SLAMF9: variants seen among roughly 807,000 people sequenced by gnomAD.
The protein encoded by SLAMF9 is CD2 family member 10.
Under a neutral mutation model 30.4 loss-of-function variants are expected in SLAMF9, and 25 were observed. The ratio of observed to expected loss-of-function variants is 0.82; its 90% CI spans 0.60 to 1.15. SLAMF9 has a LOEUF of 1.15. SLAMF9 is among the 50% of genes most tolerant of loss of function. SLAMF9 has a pLI of 0.00. For synonymous variants in SLAMF9, 129 were observed against 127.2 expected (o/e 1.01, Z -0.09); for missense variants, 344 against 346.1 (o/e 0.99, Z 0.05).
rs1557943208 is a variant in SLAMF9 at position 159,953,502 on chromosome 1, T to TGG, written c.196_197dup (p.Gly67GlnfsTer12). Reference sequence around the variant, plus strand: ...TGGTAGCTGGATGTCCCTCTTTCCCTGGCACCACAGTGGCAAGACTTTTGT... The same window carrying TGG: ...TGGTAGCTGGATGTCCCTCTTTCCCTGGGGCACCACAGTGGCAAGACTTTTGT... On this transcript the variant is annotated frameshift_variant, in exon 2 of 4. Transcript: ENST00000368093. LOFTEE classifies it high-confidence loss of function. The TGG allele has an allele frequency of 1.2e-6, 2 of 1,614,228 alleles. No individual in the cohort carries two copies. Among genetic ancestry groups the TGG allele is most frequent in the African/African-American group, 1.3e-5 (1 of 75,064 alleles).
At chr1:159,980,873 C>T in the SLAMF9 span, among the ~76,000 whole-genome samples, 2 of 152,208 alleles carry the variant, frequency 1.3e-5, no homozygotes, top group African/African-American at 2.4e-5. Flanking sequence ...GCTTTCCCTG[C>T]TCTCTTCCAT....
intron 1 of SLAMF9, 36 bp from the exon 2 acceptor site, chr1:159,953,689 T>C: frequency 6.5e-7 from 1 of 1,550,308 alleles, no homozygotes; most frequent in Non-Finnish European, 8.8e-7. Context: ...ACAACCCAGC[T>C]GCTGTCTCTG....
the SLAMF9 span, among the ~76,000 whole-genome samples, chr1:159,974,824 A>C: frequency 1.2e-3 from 176 of 152,350 alleles, 1 homozygote; most frequent in African/African-American, 3.7e-3. Context: ...GAAGGATGGC[A>C]GAAATGGGGC....
chr1:159,969,601 T>C, the SLAMF9 span, among the ~76,000 whole-genome samples: 235 of 152,304 alleles, frequency 1.5e-3, 2 homozygotes, highest in African/African-American at 5.2e-3. Context: ...TTGGCAGGTG[T>C]AATTCCTGGA....
the SLAMF9 span, chr1:159,973,246 TG>T: frequency 3.2e-6 from 3 of 927,648 alleles, no homozygotes; most frequent in Middle Eastern, 2.2e-4. Context: ...GGCTCAGGAG[TG>T]GGGGCGACAC....
upstream of SLAMF9, among the ~76,000 whole-genome samples, chr1:159,956,711 A>T (rs1340512842): frequency 6.6e-6 from 1 of 152,178 alleles, no homozygotes; most frequent in East Asian, 1.9e-4. Context: ...AAAAAGAAGG[A>T]AATGCTACCA....
At chr1:159,981,533 A>C in the SLAMF9 span, among the ~76,000 whole-genome samples, 8 of 152,244 alleles carry the variant, frequency 5.3e-5, no homozygotes, top group South Asian at 2.1e-4. Context: ...CAGCCTTCCC[A>C]GACCAGGGGG....
the SLAMF9 span, chr1:159,973,048 CG>C: frequency 4.9e-6 from 7 of 1,433,628 alleles, no homozygotes; most frequent in South Asian, 1.6e-5. Context: ...TGGCCACCCT[CG>C]GGGGCCGCCT....
chr1:159,973,210 T>C, the SLAMF9 span: 5 of 1,338,856 alleles, frequency 3.7e-6, no homozygotes, highest in South Asian at 4.7e-5. Context: ...GTTTGACATC[T>C]CAGGGTAACC....
the SLAMF9 span, among the ~76,000 whole-genome samples, chr1:159,966,556 G>T: frequency 1.3e-5 from 2 of 152,136 alleles, no homozygotes; most frequent in Non-Finnish European, 2.9e-5. Flanking sequence ...TTCCATAATA[G>T]CTGTACTAAT....
Position 159,951,716 on chromosome 1 carries a change from A to T in SLAMF9, c.815T>A (p.Met272Lys). The T allele has an allele frequency of 6.2e-7, 1 of 1,613,998 alleles. No individual in the cohort carries two copies. The highest frequency in any genetic ancestry group is 8.5e-7 in the Non-Finnish European group (1 of 1,179,892). ...RHKMPRMKKL[M>K]RNRMKLRKEA... is the part of the protein sequence containing the mutation. ...CTTCCTCAATTTCATTCTGTTTCTC[A>T]TGAGTTTCTTCATCCTTGGCATTTT... The change falls in exon 4 of 4, where the codon ATG becomes AAG. Residue 272 changes from methionine (M) to lysine (K), a missense_variant. Physicochemically the swap from Met to Lys is moderately conservative, Grantham distance 95 (BLOSUM62 -1). Transcript: ENST00000368093.
the SLAMF9 span, among the ~76,000 whole-genome samples, chr1:159,980,058 C>T: frequency 6.6e-6 from 1 of 152,180 alleles, no homozygotes; most frequent in Non-Finnish European, 1.5e-5. Flanking sequence ...TTGGGATGCT[C>T]TGAGCAAAAC....
chr1:159,952,337 A>C lies in SLAMF9; in HGVS notation c.589T>G (p.Ser197Ala), dbSNP rs201192220. 3.1e-6 allele frequency: 5 copies of C among 1,614,010 alleles called. No homozygotes were observed. Among genetic ancestry groups the C allele is most frequent in the Non-Finnish European group, 4.2e-6 (5 of 1,179,984 alleles). The change falls in exon 3 of 4, where the codon TCC becomes GCC. Residue 197 changes from serine (S) to alanine (A), a missense_variant. Coordinates refer to ENST00000368093, the MANE Select transcript of SLAMF9 (RefSeq NM_033438.4). The stretch of plus-strand genomic sequence containing the variant: ...GGGTTGTTGGCTCTGCAGGTGTAGG[A>C]GAGGGCACTGTCCCCCGGCCTCCAG... ...TSWRPGDSAL[S>A]YTCRANNPIS...
At chr1:159,976,975 AAAG>A in the SLAMF9 span, 7 of 44,388 alleles carry the variant, frequency 1.6e-4, no homozygotes, top group African/African-American at 3.1e-4. Context: ...AGAAAGAAGG[AAAG>A]AAGGAAAGAA....
At chr1:159,982,037 G>T in the SLAMF9 span, among the ~76,000 whole-genome samples, 1 of 152,312 alleles carries the variant, frequency 6.6e-6, no homozygotes, top group East Asian at 1.9e-4. Context: ...CAATGCCTCT[G>T]CAGGTCTAAT....
At chr1:159,972,972 C>A in the SLAMF9 span, 1 of 1,222,924 alleles carries the variant, frequency 8.2e-7, no homozygotes, top group Non-Finnish European at 1.1e-6. Context: ...CCCCTGGGGG[C>A]GTCGCCACTC....
chr1:159,975,867 G>A, the SLAMF9 span, among the ~76,000 whole-genome samples: 2 of 152,196 alleles, frequency 1.3e-5, no homozygotes, highest in Non-Finnish European at 2.9e-5. Context: ...AGGGCAAGAC[G>A]CTGATCTGTA....
At chr1:159,983,015 G>A in the SLAMF9 span, 1 of 152,236 alleles carries the variant, frequency 6.6e-6, no homozygotes, top group Non-Finnish European at 1.5e-5. Context: ...GTGACAGAGT[G>A]AGACTCCGTC....
chr1:159,954,669 C>T (rs1045236472), upstream of SLAMF9, among the ~76,000 whole-genome samples: 18 of 152,160 alleles, frequency 1.2e-4, no homozygotes, highest in African/African-American at 4.3e-4. Context: ...CATGTGTCTG[C>T]ACTCAATTGA....
Sources: allele counts gnomAD v4.1 joint callset (sites outside exome capture counted in the v4.1 genomes callset), GRCh38; gene constraint gnomAD v4.1.1; transcripts MANE v1.5; gene names NCBI Gene and HGNC (gene_info 2026-07-23, HGNC 2026-07-21).